MBP: variants seen among roughly 807,000 people sequenced by gnomAD.
MBP encodes the protein Golli-MBP.
A neutral mutation model predicts 35.8 loss-of-function variants in MBP; 16 were observed. That is an observed-to-expected ratio of 0.45 (90% CI 0.30 to 0.68). The LOEUF is 0.68. Ranked by LOEUF, MBP falls within the 30% of genes least tolerant of loss-of-function variation. The probability of loss-of-function intolerance (pLI) is 0.08; values close to 1 mark genes in which losing one functional copy is unlikely to be tolerated. For missense variants in MBP, 380 were observed against 404.7 expected, an observed-to-expected ratio of 0.94 and a Z score of 0.52; for synonymous variants, 143 against 159.6, an observed-to-expected ratio of 0.90 and a Z score of 0.78.
chr18:77,109,643 A>G (rs1054648876), intron 1 of MBP: 1 of 152,232 alleles, frequency 6.6e-6, no homozygotes, highest in African/African-American at 2.4e-5. Context: ...TTGGTTACCC[A>G]AATCATCTTA....
chr18:77,118,605 A>G (rs1976774892), intron 1 of MBP, among the ~76,000 whole-genome samples: 2 of 136,774 alleles, frequency 1.5e-5, no homozygotes, highest in African/African-American at 5.3e-5. Flanking sequence ...CACACACTCC[A>G]CAGACACCAC....
At chr18:77,041,212 T>A (rs1356759006) in intron 3 of MBP, among the ~76,000 whole-genome samples, 1 of 152,068 alleles carries the variant, frequency 6.6e-6, no homozygotes. Context: ...GAAATGCAAA[T>A]CAAAACCACA....
chr18:76,999,659 G>A (rs1970525948), intron 4 of MBP, among the ~76,000 whole-genome samples: 1 of 151,970 alleles, frequency 6.6e-6, no homozygotes, highest in Non-Finnish European at 1.5e-5. Context: ...ATGTTGCCCA[G>A]GCTGGTCTTG....
rs1191570661 is a variant in MBP, at chr18:77,092,835, C to T, written c.51+12376G>A. On this transcript the variant is annotated intron_variant, in intron 2 of 8. Coordinates refer to ENST00000355994, the MANE Select transcript of MBP (RefSeq NM_001025101.2). ...TTCCTTCAGCAGCTCCCCTGACCCC[C>T]GTTACAGTCTGTGACGATGACGAGA... Among the ~76,000 whole-genome samples, 5 of 152,212 alleles carry T rather than the reference C, an allele frequency of 3.3e-5. No individual in the cohort carries two copies. The South Asian group carries it at 8.3e-4, about 25-fold the overall frequency.
intron 2 of MBP, among the ~76,000 whole-genome samples, chr18:77,098,032 T>G (rs1975835542): frequency 1.3e-5 from 2 of 152,204 alleles, no homozygotes; most frequent in African/African-American, 4.8e-5. Flanking sequence ...TGCTGGCCTG[T>G]GGGCTCTACA....
chr18:77,057,150 AGAG>A (rs529450897), intron 3 of MBP, among the ~76,000 whole-genome samples: 87 of 152,320 alleles, frequency 5.7e-4, no homozygotes, highest in African/African-American at 1.9e-3. Flanking sequence ...TTCAACGCAC[AGAG>A]GAGAAGTAAC....
intron 2 of MBP, among the ~76,000 whole-genome samples, chr18:77,083,790 T>C (rs781232778): frequency 1.3e-5 from 2 of 152,300 alleles, no homozygotes; most frequent in South Asian, 2.1e-4. Flanking sequence ...ACGTAATATC[T>C]GAAAGAGCGA....
At chr18:77,000,433 GCAA>G (rs976046037) in intron 4 of MBP, among the ~76,000 whole-genome samples, 11 of 152,168 alleles carry the variant, frequency 7.2e-5, no homozygotes, top group South Asian at 4.1e-4. Flanking sequence ...GATGCATAGA[GCAA>G]CAACAACAAC....
At chr18:77,079,079 AC>A (rs1455715845) in intron 2 of MBP, among the ~76,000 whole-genome samples, 2 of 152,168 alleles carry the variant, frequency 1.3e-5, no homozygotes, top group Non-Finnish European at 2.9e-5. Flanking sequence ...CAAACGACCA[AC>A]CCTTTGAGTC....
intron 4 of MBP, among the ~76,000 whole-genome samples, chr18:76,999,488 C>T (rs1376967843): frequency 1.3e-5 from 2 of 151,012 alleles, no homozygotes; most frequent in African/African-American, 4.9e-5. Flanking sequence ...GACAGTCTCA[C>T]TCTGTTGTCC....
In MBP at chr18:77,131,934, G is replaced by A. The variant is rs998542594; in HGVS notation, c.-26+646C>T. ...CGAGACAGGCCCTGCGAAGGCGGAA[G>A]CCCGGACCCGGGCTCTCCTGGCCGC... On this transcript the variant is annotated intron_variant, in intron 1 of 8. Transcript: ENST00000355994. This position sits in a 1 kb window ranked among gnomAD's most constrained non-coding sequence, Gnocchi z 5.5. 3.3e-5 allele frequency among the ~76,000 whole-genome samples: 5 copies of A among 152,136 alleles called. No homozygotes were observed. Among genetic ancestry groups the A allele is most frequent in the African/African-American group, 9.7e-5 (4 of 41,442 alleles).
chr18:77,025,911 G>A (rs1244079456), intron 3 of MBP, among the ~76,000 whole-genome samples: 1 of 152,074 alleles, frequency 6.6e-6, no homozygotes, highest in Non-Finnish European at 1.5e-5. Context: ...ACACGCAGGG[G>A]AGCAGTGGGC....
chr18:77,031,103 T>A (rs1359263123), intron 3 of MBP, among the ~76,000 whole-genome samples: 1 of 151,512 alleles, frequency 6.6e-6, no homozygotes, highest in Non-Finnish European at 1.5e-5. Flanking sequence ...TTTCAGAAAA[T>A]CAAAAGAAGG....
chr18:77,043,839 T>C lies in MBP; in HGVS notation c.139+22459A>G, dbSNP rs563111770. On this transcript the variant is annotated intron_variant, in intron 3 of 8. Coordinates refer to ENST00000355994, the MANE Select transcript of MBP (RefSeq NM_001025101.2). ...ATCTCTATGGATTTAAGTCGCTGTT[T>C]CCACAAATGCTACTCACATGCCCAC... is the stretch of plus-strand genomic sequence containing the variant. 2.6e-5 allele frequency among the ~76,000 whole-genome samples: 4 copies of C among 152,240 alleles called. No individual in the cohort carries two copies. In the South Asian group the frequency reaches 8.3e-4, roughly 32 times the overall value.
chr18:76,993,931 T>C (rs1970121554), intron 4 of MBP, among the ~76,000 whole-genome samples: 1 of 152,250 alleles, frequency 6.6e-6, no homozygotes, highest in South Asian at 2.1e-4. Flanking sequence ...TGATTCTTCA[T>C]ATTCCAACTC....
chr18:77,009,807 T>C, intron 4 of MBP: 3 of 1,507,342 alleles, frequency 2.0e-6, no homozygotes, highest in Non-Finnish European at 2.7e-6. Flanking sequence ...AAACGGCAGG[T>C]CACCCCTGGC....
chr18:77,046,068 ATACT>A, intron 3 of MBP, among the ~76,000 whole-genome samples: 1 of 152,340 alleles, frequency 6.6e-6, no homozygotes, highest in East Asian at 1.9e-4. Context: ...AATATATAAC[ATACT>A]TAATAATCTA....
intron 1 of MBP, among the ~76,000 whole-genome samples, chr18:77,107,260 TG>T (rs1976309111): frequency 6.6e-6 from 1 of 152,298 alleles, no homozygotes; most frequent in African/African-American, 2.4e-5. Context: ...CTTGGACCTT[TG>T]GGGGCATTTT....
chr18:77,122,252 C>CAATTTGTAACAATTTGTAACAAT (rs1976906698), intron 1 of MBP, among the ~76,000 whole-genome samples: 2 of 152,186 alleles, frequency 1.3e-5, no homozygotes, highest in African/African-American at 4.8e-5. Context: ...ATTTAAGCCC[C>CAATTTGTAACAATTTGTAACAAT]TTGTAAACAA....
Sources: allele counts gnomAD v4.1 joint callset (sites outside exome capture counted in the v4.1 genomes callset), GRCh38; gene constraint gnomAD v4.1.1; non-coding constraint Gnocchi (gnomAD v3.1); transcripts MANE v1.5; gene names NCBI Gene and HGNC (gene_info 2026-07-23, HGNC 2026-07-21).